Variants in TDRD7 observed in about 807,000 individuals in gnomAD.
The protein encoded by TDRD7 is tudor domain containing 7.
Under a neutral mutation model 109.8 loss-of-function variants are expected in TDRD7, and 47 were observed. That is an observed-to-expected ratio of 0.43 (90% confidence interval 0.34 to 0.55). The LOEUF (loss-of-function observed/expected upper bound fraction) is 0.55. Among genes scored for constraint, TDRD7 ranks in the 20% least tolerant of loss-of-function variants. The pLI, the probability that TDRD7 is intolerant of heterozygous loss-of-function variation, is 0.03. For missense variants in TDRD7, 1,164 were observed against 1,319.2 expected (o/e 0.88, Z 1.82); for synonymous variants, 424 against 457.3 (o/e 0.93, Z 0.93).
chr9:97,492,258 C>T (rs555356857), intron 16 of TDRD7, among the ~76,000 whole-genome samples: 49 of 152,254 alleles, frequency 3.2e-4, no homozygotes, highest in African/African-American at 1.1e-3. Context: ...GAAGTTCTAC[C>T]AACTGCTTTA....
Position 97,428,572 on chromosome 9 carries a change from G to C in TDRD7, c.107G>C (p.Gly36Ala). Reference protein sequence around the residue: ...RLQGEYRSLTGDWIPFKQLGF... With the variant: ...RLQGEYRSLTADWIPFKQLGF... The stretch of plus-strand genomic sequence containing the variant: ...CAAGGAGAGTACAGATCCTTGACTG[G>C]AGACTGGATCCCCTTCAAACAGCTA... The change falls in exon 2 of 17, where the codon GGA becomes GCA. Residue 36 changes from glycine to alanine, a missense_variant. Gly to Ala is a moderately conservative substitution (Grantham distance 60). Around this residue, in one of 5 missense-constraint regions of TDRD7, gnomAD observed 101 missense variants for 148.5 expected, o/e 0.68. Coordinates refer to ENST00000355295, the MANE Select transcript of TDRD7 (RefSeq NM_014290.3). The C allele has an allele frequency of 6.2e-7, 1 of 1,613,812 alleles. No individual in the cohort carries two copies. The highest frequency in any genetic ancestry group is 8.5e-7 in the Non-Finnish European group (1 of 1,179,872).
chr9:97,443,237 A>T (rs955183061), intron 6 of TDRD7, among the ~76,000 whole-genome samples: 1 of 152,150 alleles, frequency 6.6e-6, no homozygotes, highest in African/African-American at 2.4e-5. Context: ...TTTTTGCCTT[A>T]GGTGTTTTAA....
Position 97,495,936 on chromosome 9 carries a change from A to G in TDRD7, c.*53A>G. On this transcript the variant is annotated 3_prime_UTR_variant, in exon 17 of 17. Coordinates refer to ENST00000355295, the MANE Select transcript of TDRD7 (RefSeq NM_014290.3). ...ATTCAGATTTTTTAGCAATAACAAA[A>G]TGTAGTAGGCTTAAAAAAAATCTTA... 1.4e-6 allele frequency: 2 copies of G among 1,465,654 alleles called. No homozygotes were observed. Among genetic ancestry groups the G allele is most frequent in the Non-Finnish European group, 1.9e-6 (2 of 1,046,774 alleles). 90.8% of individuals were successfully genotyped at this position (1,465,654 alleles called of 1,614,324 possible).
intron 9 of TDRD7, among the ~76,000 whole-genome samples, chr9:97,472,079 G>A (rs1828925742): frequency 6.6e-6 from 1 of 151,944 alleles, no homozygotes; most frequent in South Asian, 2.1e-4. Context: ...AAGATTGCCT[G>A]CCTTAGTGTA....
chr9:97,445,988 T>A (rs952541488), intron 6 of TDRD7, among the ~76,000 whole-genome samples: 1 of 152,094 alleles, frequency 6.6e-6, no homozygotes, highest in East Asian at 1.9e-4. Flanking sequence ...AAAAATTAGC[T>A]GGGCATGGTG....
At chr9:97,418,814 C>T (rs184574699) in intron 1 of TDRD7, among the ~76,000 whole-genome samples, 8 of 152,174 alleles carry the variant, frequency 5.3e-5, no homozygotes, top group South Asian at 2.1e-4. Flanking sequence ...TGCATTTATC[C>T]GACATTTTTT....
At chr9:97,438,864 C>T (rs2118348165) in intron 4 of TDRD7, among the ~76,000 whole-genome samples, 1 of 152,292 alleles carries the variant, frequency 6.6e-6, no homozygotes, top group South Asian at 2.1e-4. Context: ...ATTTCAACAT[C>T]TGGTGATGCA....
At position 97,412,181 on chromosome 9, in the gene TDRD7, A is replaced by G. The variant is rs879522205; in HGVS notation, c.-64A>G. On this transcript the variant is annotated 5_prime_UTR_variant, in exon 1 of 17. Coordinates refer to ENST00000355295, the MANE Select transcript of TDRD7 (RefSeq NM_014290.3). The surrounding 1 kb of genome is among the most constrained non-coding windows in gnomAD (Gnocchi z 4.3). The stretch of plus-strand genomic sequence containing the variant: ...GGCCGCGGCGGGGCCCCTGGCGGAG[A>G]CGGCGGCAGGAGCTGGGCCCAGAGA... The G allele has an allele frequency of 2.0e-3, 309 of 153,820 alleles. No homozygotes were observed. Among genetic ancestry groups the G allele is most frequent in the Admixed American group, 3.9e-3 (59 of 15,312 alleles). 9.5% of individuals were successfully genotyped at this position (153,820 alleles called of 1,614,324 possible).
intron 6 of TDRD7, among the ~76,000 whole-genome samples, chr9:97,446,638 T>G (rs915001412): frequency 1.6e-4 from 24 of 152,218 alleles, no homozygotes; most frequent in Admixed American, 3.9e-4. Context: ...AATTCTGAGT[T>G]GCATCAGTAT....
At chr9:97,442,138 A>G (rs1828317369) in intron 6 of TDRD7, among the ~76,000 whole-genome samples, 1 of 152,172 alleles carries the variant, frequency 6.6e-6, no homozygotes, top group Non-Finnish European at 1.5e-5. Context: ...ATATGTGATA[A>G]TATGTAAACC....
At chr9:97,450,654 CA>C (rs1828474935) in intron 6 of TDRD7, among the ~76,000 whole-genome samples, 2 of 152,134 alleles carry the variant, frequency 1.3e-5, no homozygotes, top group African/African-American at 4.8e-5. Context: ...TTATCTTTAG[CA>C]AGGTTCTTGT....
intron 16 of TDRD7, among the ~76,000 whole-genome samples, chr9:97,488,845 A>T (rs1224787400): frequency 1.3e-5 from 2 of 152,120 alleles, no homozygotes; most frequent in Non-Finnish European, 2.9e-5. Context: ...ACAAGTTTTG[A>T]TGTGCTATAT....
At chr9:97,426,535 G>A (rs1042618813) in intron 1 of TDRD7, among the ~76,000 whole-genome samples, 2 of 152,076 alleles carry the variant, frequency 1.3e-5, no homozygotes, top group Non-Finnish European at 2.9e-5. Context: ...CTGCAGGTGC[G>A]AGCCACTGCA....
intron 13 of TDRD7, 90 bp downstream of exon 13, chr9:97,478,663 A>C: frequency 9.0e-5 from 142 of 1,571,746 alleles, no homozygotes; most frequent in Middle Eastern, 1.7e-4. Context: ...TTTTGATCTC[A>C]TTAATTTTTA....
At chr9:97,429,720 C>T (rs565504649) in intron 2 of TDRD7, among the ~76,000 whole-genome samples, 1 of 152,304 alleles carries the variant, frequency 6.6e-6, no homozygotes, top group African/African-American at 2.4e-5. Flanking sequence ...TGTAATACAT[C>T]CGTTATCACA....
chr9:97,425,116 A>T (rs764593691), intron 1 of TDRD7, among the ~76,000 whole-genome samples: 7 of 151,962 alleles, frequency 4.6e-5, no homozygotes, highest in Non-Finnish European at 8.8e-5. Context: ...TGTACCCCAC[A>T]TGAGGGAATT....
At chr9:97,456,656 T>A (rs1188462440) in intron 6 of TDRD7, among the ~76,000 whole-genome samples, 1 of 152,166 alleles carries the variant, frequency 6.6e-6, no homozygotes, top group Non-Finnish European at 1.5e-5. Context: ...TCCTTACACC[T>A]TATACAAAAA....
chr9:97,437,085 G>T (rs567811804), intron 4 of TDRD7, among the ~76,000 whole-genome samples: 3 of 152,138 alleles, frequency 2.0e-5, no homozygotes, highest in African/African-American at 4.8e-5. Context: ...CTTAGATTTT[G>T]TCAATGCATT....
At position 97,460,487 on chromosome 9, in the gene TDRD7, A is replaced by G. The variant is rs754045537; in HGVS notation, c.1165A>G (p.Ser389Gly). 3.7e-6 allele frequency: 6 copies of G among 1,614,114 alleles called. No individual in the cohort carries two copies. In the African/African-American group the frequency reaches 4.0e-5, roughly 11 times the overall value. The change falls in exon 7 of 17, where the codon AGC (serine) becomes GGC (glycine). Residue 389 changes from serine (S) to glycine (G), a missense_variant. Coordinates refer to ENST00000355295, the MANE Select transcript of TDRD7 (RefSeq NM_014290.3). ...TCTTGCCTCACTTTCTGATGTATGC[A>G]GCATAGACTACATTTCTGGAAATCC... Reference protein sequence around the residue: ...KNLASLSDVCSIDYISGNPQK... With the variant: ...KNLASLSDVCGIDYISGNPQK...
Sources: gnomAD v4.1 joint callset for allele counts (sites outside exome capture counted in the v4.1 genomes callset) on GRCh38, gnomAD v4.1.1 for gene constraint, gnomAD v4.1.1 regional missense constraint, Gnocchi (gnomAD v3.1) non-coding constraint, MANE v1.5 for transcripts, NCBI Gene and HGNC (gene_info 2026-07-23, HGNC 2026-07-21) for gene names.